Variants in FGD2 observed in about 807,000 individuals in gnomAD.
The protein encoded by FGD2 is FYVE, RhoGEF and PH domain containing 2, also known as FYVE, RhoGEF and PH domain-containing protein 2.
In FGD2, 52 loss-of-function variants were observed where a neutral mutation model predicts 75.9. The ratio of observed to expected loss-of-function variants is 0.69; its 90% CI spans 0.55 to 0.86. The LOEUF (loss-of-function observed/expected upper bound fraction) is 0.86, where lower values mean the gene tolerates loss of function less well. Among genes scored for constraint, FGD2 ranks in the 40% least tolerant of loss-of-function variants. The pLI is 0.00. For missense variants in FGD2, 790 were observed against 872.0 expected (o/e 0.91, Z 1.18); for synonymous variants, 347 against 348.6 (o/e 1.00, Z 0.05).
intron 9 of FGD2, among the ~76,000 whole-genome samples, chr6:37,019,612 G>A (rs546363545): frequency 6.6e-6 from 1 of 152,162 alleles, no homozygotes; most frequent in Non-Finnish European, 1.5e-5. Context: ...TCTCCACACC[G>A]TCTGAAGGAA....
At chr6:37,010,861 G>C in intron 2 of FGD2, 112 bp from the exon 3 acceptor site, 1 of 1,023,700 alleles carries the variant, frequency 9.8e-7, no homozygotes, top group Non-Finnish European at 1.5e-6. Flanking sequence ...CATGAATCCC[G>C]GGAGGCATGC....
rs199827786 is a variant in FGD2, at chr6:37,011,815, A to T, written c.488A>T (p.Gln163Leu). The change falls in exon 4 of 16, where the codon CAG becomes CTG. Residue 163 changes from glutamine (Q) to leucine (L), a missense_variant. Physicochemically the swap from Gln to Leu is moderately radical, Grantham distance 113 (BLOSUM62 -2). Coordinates refer to ENST00000274963, the MANE Select transcript of FGD2 (RefSeq NM_173558.4). ...TCCTCCATCTATCAGTTCCATTCTC[A>T]GTTCTTCCTCCCAGAGCTGCAGCGG... ...NISSIYQFHS[Q>L]FFLPELQRRL... 6.2e-7 allele frequency: 1 copy of T among 1,613,950 alleles called. No individual in the cohort carries two copies. Among genetic ancestry groups the T allele is most frequent in the East Asian group, 2.2e-5 (1 of 44,878 alleles).
At chr6:37,008,323 A>G (rs768140380) in intron 1 of FGD2, among the ~76,000 whole-genome samples, 2 of 152,150 alleles carry the variant, frequency 1.3e-5, no homozygotes, top group Non-Finnish European at 2.9e-5. Context: ...TCCCTGGGAG[A>G]ACAGAGCATC....
chr6:37,009,109 A>C lies in FGD2; in HGVS notation c.300+44A>C, dbSNP rs562581202. On this transcript the variant is annotated intron_variant, in intron 2 of 15. Coordinates refer to ENST00000274963, the MANE Select transcript of FGD2 (RefSeq NM_173558.4). ...AGAGGTGTGGGGTGCTGGGGTGGGG[A>C]GCTCTCCCTGACCTCCCCTCCACAC... The C allele has an allele frequency of 1.5e-5, 24 of 1,574,092 alleles. 1 individual carries two copies. The East Asian group carries it at 1.8e-4, about 12-fold the overall frequency.
rs557422034 is a variant in FGD2 at position 37,021,625 on chromosome 6, C to T, written c.1326+21C>T. The stretch of plus-strand genomic sequence containing the variant: ...AGGAGGTAAATGAAGGCTTTTTCAT[C>T]CCTTGCTGGAGCCACCAACCCAAAT... On this transcript the variant is annotated intron_variant, in intron 12 of 15. Transcript: ENST00000274963. The T allele has an allele frequency of 2.8e-4, 448 of 1,603,742 alleles. 1 individual carries two copies. In the South Asian group the frequency reaches 3.9e-3, roughly 14 times the overall value.
At position 37,020,533 on chromosome 6, in the gene FGD2, C is replaced by T. The variant is rs1327362081; in HGVS notation, c.1123-8C>T. ...AGTCTGAACTGGTTGCCTCCCTCCTCTTGGCAGGTGCGGGAGCTGATGGAT... is the reference window on the plus strand; with the variant it reads ...AGTCTGAACTGGTTGCCTCCCTCCTTTTGGCAGGTGCGGGAGCTGATGGAT... On this transcript the variant is annotated splice_polypyrimidine_tract_variant and splice_region_variant and intron_variant, in intron 9 of 15. Coordinates refer to ENST00000274963, the MANE Select transcript of FGD2 (RefSeq NM_173558.4). The T allele has an allele frequency of 4.4e-6, 7 of 1,602,252 alleles. No homozygotes were observed. The highest frequency in any genetic ancestry group is 4.0e-5 in the African/African-American group (3 of 74,788).
At chr6:37,011,947 G>A (rs1249336091) in intron 4 of FGD2, 93 bp downstream of exon 4, 3 of 1,420,018 alleles carry the variant, frequency 2.1e-6, no homozygotes, top group Non-Finnish European at 2.8e-6. Flanking sequence ...AGCCTCCTAG[G>A]CCCAGGCCCT....
chr6:37,014,198 T>C, intron 6 of FGD2, 98 bp downstream of exon 6: 1 of 1,397,396 alleles, frequency 7.2e-7, no homozygotes, highest in East Asian at 2.4e-5. Flanking sequence ...CGACCATCAG[T>C]CATCAACATC....
chr6:37,022,358 G>A lies in FGD2; in HGVS notation c.1446G>A (p.Arg482=), dbSNP rs1166911782. 2 of 1,581,410 alleles carry A rather than the reference G, an allele frequency of 1.3e-6. No homozygotes were observed. The highest frequency in any genetic ancestry group is 1.7e-6 in the Non-Finnish European group (2 of 1,167,002). ...TGACGCGCCGTCGCCACCACTGCCG[G>A]GCCTGCGGCTATGTGAGTACTCCTG... ...NALTRRRHHC[R]ACGYVVCARC... Residue 482 remains arginine (R), a synonymous_variant, in exon 13 of 16, where the codon CGG becomes CGA. Coordinates refer to ENST00000274963, the MANE Select transcript of FGD2 (RefSeq NM_173558.4).
chr6:37,020,421 C>A, intron 9 of FGD2, 120 bp from the exon 10 acceptor site: 1 of 943,568 alleles, frequency 1.1e-6, no homozygotes. Context: ...AGCTCTGCAT[C>A]CCTGTCTCTC....
intron 1 of FGD2, among the ~76,000 whole-genome samples, 189 bp downstream of exon 1, chr6:37,006,074 G>C (rs965237251): frequency 1.3e-5 from 2 of 152,242 alleles, no homozygotes; most frequent in Non-Finnish European, 2.9e-5. Context: ...GCAGGGGTGA[G>C]AGTGCCAGTG....
At position 37,009,253 on chromosome 6, in the gene FGD2, C is replaced by T. The variant is rs113959741; in HGVS notation, c.300+188C>T. On this transcript the variant is annotated intron_variant, in intron 2 of 15. Coordinates refer to ENST00000274963, the MANE Select transcript of FGD2 (RefSeq NM_173558.4). ...TTTGATTCACTAACTGCCTGCTACG[C>T]ACCGTGCTGGATTACTTCGCGAGTC... 493 of 599,506 alleles carry T rather than the reference C, an allele frequency of 8.2e-4. 2 individuals are homozygous for T. Among genetic ancestry groups the T allele is most frequent in the African/African-American group, 7.9e-3 (426 of 53,896 alleles). 37.1% of individuals were successfully genotyped at this position (599,506 alleles called of 1,614,324 possible). A position where few individuals can be genotyped will look rare whatever the true frequency, so the allele number is the denominator to read the frequency against.
chr6:37,014,777 C>T (rs1765196075), intron 7 of FGD2, 73 bp downstream of exon 7: 1 of 1,609,846 alleles, frequency 6.2e-7, no homozygotes, highest in East Asian at 2.2e-5. Context: ...CCCATGACAC[C>T]TATCCCACTG....
At position 37,009,072 on chromosome 6, in the gene FGD2, G is replaced by T; in HGVS notation, c.300+7G>T. 1 of 1,613,104 alleles carries T rather than the reference G, an allele frequency of 6.2e-7. No individual in the cohort carries two copies. The highest frequency in any genetic ancestry group is 8.5e-7 in the Non-Finnish European group (1 of 1,179,514). Reference sequence around the variant, plus strand: ...CTCAGGATCGGGGACGCAGGTGCCTGAGGGCTGAGGTAGAGGTGTGGGGTG... The same window carrying T: ...CTCAGGATCGGGGACGCAGGTGCCTTAGGGCTGAGGTAGAGGTGTGGGGTG... On this transcript the variant is annotated splice_region_variant and intron_variant, in intron 2 of 15. Coordinates refer to ENST00000274963, the MANE Select transcript of FGD2 (RefSeq NM_173558.4).
intron 9 of FGD2, among the ~76,000 whole-genome samples, chr6:37,017,933 AC>A (rs976623905): frequency 1.3e-5 from 2 of 152,176 alleles, no homozygotes; most frequent in African/African-American, 4.8e-5. Flanking sequence ...ACCTGAGCTG[AC>A]TGAAGTCTTT....
At position 37,027,656 on chromosome 6, in the gene FGD2, T is replaced by C. The variant is rs371169912; in HGVS notation, c.1752+81T>C. 9.5e-5 allele frequency: 146 copies of C among 1,531,200 alleles called. No individual in the cohort carries two copies. In the African/African-American group the frequency reaches 1.6e-3, roughly 17 times the overall value. The allele number at this position is 1,531,200 out of a possible 1,614,324, so 94.9% of individuals were successfully genotyped here. On this transcript the variant is annotated intron_variant, in intron 15 of 15. Coordinates refer to ENST00000274963, the MANE Select transcript of FGD2 (RefSeq NM_173558.4). ...TGTGAAGGGGGTCAGGGGTGAGTAT[T>C]GCTAGCTCCATATGTCAGATAGGGA...
chr6:37,009,271 C>A, intron 2 of FGD2: 1 of 535,916 alleles, frequency 1.9e-6, no homozygotes, highest in Non-Finnish European at 3.3e-6. Flanking sequence ...TGGATTACTT[C>A]GCGAGTCCCT....
chr6:37,016,077 C>T (rs1201453861), intron 9 of FGD2, among the ~76,000 whole-genome samples: 1 of 152,168 alleles, frequency 6.6e-6, no homozygotes, highest in Admixed American at 6.5e-5. Flanking sequence ...CCTCCCTTCG[C>T]GGCAGTGCAT....
chr6:37,025,818 C>A lies in FGD2; in HGVS notation c.1485C>A (p.Tyr495Ter). Residue 495 changes from tyrosine to a stop codon, truncating the protein, a stop_gained, in exon 14 of 16, where the codon TAC becomes TAA. Transcript: ENST00000274963. LOFTEE classifies it high-confidence loss of function. ...GYVVCARCSD[Y>*]RAELKYDDNR... The stretch of plus-strand genomic sequence containing the variant: ...TGGTGTGTGCCAGGTGCTCCGACTA[C>A]CGGGCCGAACTGAAATACGACGACA... 6.2e-7 allele frequency: 1 copy of A among 1,614,196 alleles called. No individual in the cohort carries two copies. Among genetic ancestry groups the A allele is most frequent in the African/African-American group, 1.3e-5 (1 of 75,052 alleles).
Sources: gnomAD v4.1 joint callset for allele counts (sites outside exome capture counted in the v4.1 genomes callset) on GRCh38, gnomAD v4.1.1 for gene constraint, MANE v1.5 for transcripts, NCBI Gene and HGNC (gene_info 2026-07-23, HGNC 2026-07-21) for gene names.